NBPF20: variants seen among roughly 807,000 people sequenced by gnomAD.
NBPF20 encodes NBPF family member NBPF20.
Under a neutral mutation model 68.1 loss-of-function variants are expected in NBPF20, and 90 were observed. The observed-to-expected ratio is 1.32, with a 90% CI of 1.11 to 1.58. NBPF20 has a LOEUF of 1.58. Ranked by LOEUF, NBPF20 falls within the 40% of genes most tolerant of loss-of-function variation. The pLI is 0.00. For missense variants in NBPF20, 816 were observed against 601.2 expected (o/e 1.36, Z -3.74); for synonymous variants, 290 against 228.1 (o/e 1.27, Z -2.45).
chr1:145,397,652 G>C (rs1388418440), intron 7 of NBPF20, among the ~76,000 whole-genome samples: 1 of 152,186 alleles, frequency 6.6e-6, no homozygotes, highest in African/African-American at 2.4e-5. Context: ...AAAGACCATT[G>C]ACGCTAGGAA....
exon 138 of NBPF20, chr1:145,290,214 G>T (rs1660978493): frequency 6.7e-6 from 1 of 148,502 alleles, no homozygotes; most frequent in African/African-American, 2.6e-5. Flanking sequence ...AAAATGTTTA[G>T]AGGATGATCA....
Position 145,393,475 on chromosome 1 carries a change from AC to A in NBPF20, c.1044-230del, listed in dbSNP as rs1553662706. ...CACACACAAACACACACACACACAC[AC>A]ACACACACACACACAGAGCGAGCTC... On this transcript the variant is annotated intron_variant, in intron 9 of 137. Coordinates refer to ENST00000369373, the Ensembl canonical transcript of NBPF20. Among the ~76,000 whole-genome samples the A allele has an allele frequency of 1.3e-4, 19 of 151,930 alleles. 1 individual carries two copies. In the East Asian group the frequency reaches 3.7e-3, roughly 29 times the overall value.
chr1:145,409,248 G>A (rs373863037), upstream of NBPF20, among the ~76,000 whole-genome samples: 3 of 151,490 alleles, frequency 2.0e-5, no homozygotes, highest in African/African-American at 2.4e-5. Context: ...GTATTCCTTC[G>A]TGTGGCTATA....
chr1:145,420,100 T>G, the NBPF20 span, among the ~76,000 whole-genome samples: 1 of 143,814 alleles, frequency 7.0e-6, no homozygotes, highest in African/African-American at 2.6e-5. Flanking sequence ...AGGGAGGGGG[T>G]GAGCCATGAA....
At chr1:145,393,694 A>T in intron 9 of NBPF20, 190 bp downstream of exon 14, 1 of 1,441,968 alleles carries the variant, frequency 6.9e-7, no homozygotes, top group South Asian at 1.2e-5. Flanking sequence ...TAGGTTAGTA[A>T]ATGATAAGGG....
intron 5 of NBPF20, 137 bp from the exon 11 acceptor site, chr1:145,400,731 G>A (rs1662484928): frequency 3.6e-6 from 5 of 1,407,584 alleles, no homozygotes; most frequent in African/African-American, 1.4e-5. Flanking sequence ...CATTAAGGGG[G>A]AACATGCAAT....
At chr1:145,393,135 G>A in exon 10 of NBPF20, 1 of 668,836 alleles carries the variant, frequency 1.5e-6, no homozygotes, top group Non-Finnish European at 2.5e-6. Flanking sequence ...CACTTCTGTA[G>A]GGCTGGCATG....
At chr1:145,424,530 C>T in the NBPF20 span, among the ~76,000 whole-genome samples, 4 of 152,170 alleles carry the variant, frequency 2.6e-5, no homozygotes, top group South Asian at 4.1e-4. Flanking sequence ...TTCATTCTTT[C>T]GGCAAAGAAA....
At chr1:145,291,947 A>C (rs1280486355) in intron 137 of NBPF20, among the ~76,000 whole-genome samples, 178 bp from the exon 143 acceptor site, 1 of 151,570 alleles carries the variant, frequency 6.6e-6, no homozygotes, top group Non-Finnish European at 1.5e-5. Flanking sequence ...CAGGTAGAAA[A>C]CAATGAAAGA....
At chr1:145,395,617 A>T (rs1289023000) in intron 7 of NBPF20, among the ~76,000 whole-genome samples, 7 of 150,124 alleles carry the variant, frequency 4.7e-5, no homozygotes, top group East Asian at 3.9e-4. Context: ...TAGCCAACAT[A>T]CTACCAACAA....
At chr1:145,425,223 C>T in the NBPF20 span, among the ~76,000 whole-genome samples, 1 of 151,728 alleles carries the variant, frequency 6.6e-6, no homozygotes, top group Non-Finnish European at 1.5e-5. Flanking sequence ...AACACACGCC[C>T]CCCCCAACCC....
In NBPF20 at chr1:145,292,546, C is replaced by A. The variant is rs1183198053; in HGVS notation, c.16589-57G>T. The A allele has an allele frequency of 4.1e-5, 29 of 702,846 alleles. 1 individual carries two copies. Among genetic ancestry groups the A allele is most frequent in the African/African-American group, 1.2e-4 (6 of 50,162 alleles). The allele number at this position is 702,846 out of a possible 1,614,324, so 43.5% of individuals were successfully genotyped here. A position where few individuals can be genotyped will look rare whatever the true frequency, so the allele number is the denominator to read the frequency against. On this transcript the variant is annotated intron_variant, in intron 136 of 137. Transcript: ENST00000369373. Reference sequence around the variant, plus strand: ...TAAGCTGATTCCCCTACACACATAACAATCCACTGTCTAATCCTCACACAG... The same window carrying A: ...TAAGCTGATTCCCCTACACACATAAAAATCCACTGTCTAATCCTCACACAG...
At position 145,400,348 on chromosome 1, in the gene NBPF20, G is replaced by C. The variant is rs1242434957; in HGVS notation, c.775+38C>G. Reference sequence around the variant, plus strand: ...CTGTCTTCAGAGTTTATCTTCCTCAGCCTAGAGAGAGGTATGAGACACAAG... The same window carrying C: ...CTGTCTTCAGAGTTTATCTTCCTCACCCTAGAGAGAGGTATGAGACACAAG... On this transcript the variant is annotated intron_variant, in intron 6 of 137. Coordinates refer to ENST00000369373, the Ensembl canonical transcript of NBPF20. 6 of 1,610,954 alleles carry C rather than the reference G, an allele frequency of 3.7e-6. No individual in the cohort carries two copies. The African/African-American group carries it at 6.7e-5, about 18-fold the overall frequency.
the NBPF20 span, among the ~76,000 whole-genome samples, chr1:145,417,207 T>C: frequency 6.6e-6 from 1 of 150,472 alleles, no homozygotes; most frequent in East Asian, 1.9e-4. Context: ...TAGAGACAAT[T>C]TAAAACAGCA....
intron 133 of NBPF20, chr1:145,295,186 A>G: frequency 1.5e-6 from 1 of 674,118 alleles, no homozygotes; most frequent in Non-Finnish European, 2.6e-6. Context: ...GAGAGAGAGG[A>G]GAAAGTAAGC....
At chr1:145,334,825 G>C (rs1266801570) in intron 83 of NBPF20, among the ~76,000 whole-genome samples, 194 bp from the exon 89 acceptor site, 1 of 138,708 alleles carries the variant, frequency 7.2e-6, no homozygotes, top group African/African-American at 2.5e-5. Context: ...GAAAGACAGG[G>C]AGAGGGAGGG....
intron 7 of NBPF20, among the ~76,000 whole-genome samples, chr1:145,396,746 G>C (rs1369153456): frequency 9.4e-6 from 1 of 106,938 alleles, no homozygotes; most frequent in African/African-American, 5.5e-5. Flanking sequence ...ATTATTTTTT[G>C]TGTGTATGTA....
chr1:145,424,077 G>GT, the NBPF20 span, among the ~76,000 whole-genome samples: 3 of 145,728 alleles, frequency 2.1e-5, no homozygotes, highest in Non-Finnish European at 3.0e-5. Context: ...CTGGGCTCTG[G>GT]TGATCCTCCC....
In NBPF20 at chr1:145,394,970, G is replaced by C. The variant is rs1662152967; in HGVS notation, c.991+8C>G. The C allele has an allele frequency of 5.6e-6, 9 of 1,611,864 alleles. No individual in the cohort carries two copies. Among genetic ancestry groups the C allele is most frequent in the East Asian group, 2.2e-5 (1 of 44,894 alleles). On this transcript the variant is annotated splice_region_variant and intron_variant, in intron 8 of 137. Transcript: ENST00000369373. ...GGAGCTTTATCACCTTCACAGTGTA[G>C]TACTCACTGCCTATGTCAACAGCCA...
Sources: allele counts gnomAD v4.1 joint callset (sites outside exome capture counted in the v4.1 genomes callset), GRCh38; gene constraint gnomAD v4.1.1; transcripts MANE v1.5; gene names NCBI Gene and HGNC (gene_info 2026-07-23, HGNC 2026-07-21).